DCLK3: variants seen among roughly 807,000 people sequenced by gnomAD.
The protein encoded by DCLK3 is serine/threonine-protein kinase DCLK3.
A neutral mutation model predicts 46.4 loss-of-function variants in DCLK3; 30 were observed. The observed-to-expected ratio is 0.65, with a 90% confidence interval of 0.48 to 0.88. DCLK3 has a LOEUF of 0.88. DCLK3 is among the 40% of genes least tolerant of loss of function. DCLK3 has a pLI of 0.00. For missense variants in DCLK3, 846 were observed against 907.1 expected, an observed-to-expected ratio of 0.93 and a Z score of 0.87; for synonymous variants, 401 against 339.2, an observed-to-expected ratio of 1.18 and a Z score of -2.00.
At chr3:36,725,329 G>C (rs1316400543) in intron 2 of DCLK3, among the ~76,000 whole-genome samples, 6 of 151,230 alleles carry the variant, frequency 4.0e-5, no homozygotes, top group African/African-American at 1.5e-4. Context: ...AAAAAAACGG[G>C]GGGTGGGGCA....
chr3:36,753,015 G>A (rs750490282), intron 1 of DCLK3, among the ~76,000 whole-genome samples: 1 of 152,114 alleles, frequency 6.6e-6, no homozygotes, highest in Non-Finnish European at 1.5e-5. Flanking sequence ...AATTGATATT[G>A]TCAAGGGTAG....
chr3:36,721,735 A>T, intron 2 of DCLK3, 76 bp from the exon 3 acceptor site: 1 of 1,583,268 alleles, frequency 6.3e-7, no homozygotes. Context: ...AACAACAGCC[A>T]TGCAAGGTCA....
rs1701291706 is a variant in DCLK3 at position 36,738,083 on chromosome 3, T to C, written c.1084A>G (p.Ser362Gly). ...TCACCCTTCCACCCTTCCTCCCCAC[T>C]TGCAGGATTTGCCTCGGGAGACCTC... ...CRRSPEANPASGEEGWKGDSH... is the reference protein window; with the variant it reads ...CRRSPEANPAGGEEGWKGDSH... Residue 362 changes from serine (S) to glycine (G), a missense_variant, in exon 2 of 5, where the codon AGT becomes GGT. Transcript: ENST00000636136. The C allele has an allele frequency of 6.2e-7, 1 of 1,613,502 alleles. No homozygotes were observed. Among genetic ancestry groups the C allele is most frequent in the Non-Finnish European group, 8.5e-7 (1 of 1,179,820 alleles).
At chr3:36,750,232 T>C (rs571901169) in intron 1 of DCLK3, among the ~76,000 whole-genome samples, 3 of 152,162 alleles carry the variant, frequency 2.0e-5, no homozygotes, top group South Asian at 2.1e-4. Flanking sequence ...AGGCATGTAC[T>C]ACCACGCCCA....
chr3:36,715,790 G>A (rs994798854), intron 4 of DCLK3, among the ~76,000 whole-genome samples: 1 of 152,176 alleles, frequency 6.6e-6, no homozygotes, highest in South Asian at 2.1e-4. Context: ...ATTTACATTT[G>A]CATTTAAATA....
intron 3 of DCLK3, among the ~76,000 whole-genome samples, chr3:36,720,827 C>T (rs1701045888): frequency 6.6e-6 from 1 of 152,100 alleles, no homozygotes; most frequent in South Asian, 2.1e-4. Flanking sequence ...CTTAATTATC[C>T]TGATGCTTCT....
chr3:36,735,906 T>G (rs778523335), intron 2 of DCLK3, among the ~76,000 whole-genome samples: 1 of 152,184 alleles, frequency 6.6e-6, no homozygotes, highest in Non-Finnish European at 1.5e-5. Flanking sequence ...ACAATCTGAA[T>G]GAAACAAAGT....
At chr3:36,762,529 A>T (rs958532845) in intron 1 of DCLK3, among the ~76,000 whole-genome samples, 1 of 152,228 alleles carries the variant, frequency 6.6e-6, no homozygotes, top group Non-Finnish European at 1.5e-5. Flanking sequence ...AAAGGATGTC[A>T]TGCTTCAGAG....
chr3:36,732,365 A>G (rs1701208912), intron 2 of DCLK3, among the ~76,000 whole-genome samples: 1 of 152,200 alleles, frequency 6.6e-6, no homozygotes, highest in Non-Finnish European at 1.5e-5. Context: ...ATGTGGCCAA[A>G]CCCTGGAAAT....
chr3:36,725,013 G>GT (rs1320784009), intron 2 of DCLK3, among the ~76,000 whole-genome samples: 1 of 103,248 alleles, frequency 9.7e-6, no homozygotes, highest in Admixed American at 9.8e-5. Context: ...TTTCTCATTT[G>GT]TTAAAAAAAA....
chr3:36,739,544 T>A (rs1701321747), intron 1 of DCLK3, among the ~76,000 whole-genome samples: 1 of 152,336 alleles, frequency 6.6e-6, no homozygotes, highest in South Asian at 2.1e-4. Context: ...CGCTTTTGCA[T>A]CTTCCTCATT....
At chr3:36,718,664 G>A (rs1701017949) in intron 3 of DCLK3, among the ~76,000 whole-genome samples, 1 of 152,076 alleles carries the variant, frequency 6.6e-6, no homozygotes, top group African/African-American at 2.4e-5. Flanking sequence ...ACCCTTCACT[G>A]GAGGTAGTTA....
intron 1 of DCLK3, among the ~76,000 whole-genome samples, chr3:36,740,248 A>G (rs1196022987): frequency 1.3e-5 from 2 of 151,936 alleles, no homozygotes; most frequent in African/African-American, 4.8e-5. Flanking sequence ...TAGTAAGGAC[A>G]TAATAGTTGC....
At chr3:36,729,791 A>T (rs1249741097) in intron 2 of DCLK3, 1 of 152,214 alleles carries the variant, frequency 6.6e-6, no homozygotes, top group Non-Finnish European at 1.5e-5. Flanking sequence ...TCCATTTTCA[A>T]CTGGCTGTGA....
chr3:36,718,032 A>G lies in DCLK3; in HGVS notation c.2238T>C (p.Pro746=). Reference sequence around the variant, plus strand: ...CACCATCAGAGATATTGTCCCAGTAAGGGGGGAGGAACTCAAAGTGGCCCA... The same window carrying G: ...CACCATCAGAGATATTGTCCCAGTAGGGGGGGAGGAACTCAAAGTGGCCCA... The part of the protein sequence containing the change: ...IQLGHFEFLP[P]YWDNISDAAK... Residue 746 remains proline (P), a synonymous_variant, in exon 4 of 5, where the codon CCT becomes CCC. Transcript: ENST00000636136. 6.2e-7 allele frequency: 1 copy of G among 1,614,150 alleles called. No individual in the cohort carries two copies. The highest frequency in any genetic ancestry group is 8.5e-7 in the Non-Finnish European group (1 of 1,180,008).
At chr3:36,761,666 G>A (rs1701541083) in intron 1 of DCLK3, among the ~76,000 whole-genome samples, 1 of 152,060 alleles carries the variant, frequency 6.6e-6, no homozygotes, top group South Asian at 2.1e-4. Context: ...GACCCTCCTG[G>A]ATCCAAGGAA....
At chr3:36,758,862 C>A (rs914608520) in intron 1 of DCLK3, among the ~76,000 whole-genome samples, 2 of 152,132 alleles carry the variant, frequency 1.3e-5, no homozygotes, top group African/African-American at 2.4e-5. Flanking sequence ...CACTGCACAC[C>A]AAATTCATAA....
At chr3:36,721,732 G>A in intron 2 of DCLK3, 73 bp from the exon 3 acceptor site, 1 of 1,584,630 alleles carries the variant, frequency 6.3e-7, no homozygotes, top group Non-Finnish European at 8.7e-7. Context: ...TGAAACAACA[G>A]CCATGCAAGG....
chr3:36,763,368 C>G (rs535342770), intron 1 of DCLK3, among the ~76,000 whole-genome samples: 2 of 152,256 alleles, frequency 1.3e-5, no homozygotes. Flanking sequence ...TGTCCCCAGA[C>G]GCCTCTGCCA....
Sources: gnomAD v4.1 joint callset for allele counts (sites outside exome capture counted in the v4.1 genomes callset) on GRCh38, gnomAD v4.1.1 for gene constraint, MANE v1.5 for transcripts, NCBI Gene and HGNC (gene_info 2026-07-23, HGNC 2026-07-21) for gene names.